Variants in SLC33A1 observed in about 807,000 individuals in gnomAD.
SLC33A1 encodes acetyl-coenzyme A transporter 1.
In SLC33A1, 20 loss-of-function variants were observed where a neutral mutation model predicts 50.0. The observed-to-expected ratio is 0.40, with a 90% CI of 0.28 to 0.58. The LOEUF (loss-of-function observed/expected upper bound fraction) is 0.58, where lower values mean the gene tolerates loss of function less well. SLC33A1 is among the 20% of genes least tolerant of loss of function. The pLI, the probability that SLC33A1 is intolerant of heterozygous loss-of-function variation, is 0.44. For missense variants in SLC33A1, 476 were observed against 657.0 expected (o/e 0.72, Z 3.01); for synonymous variants, 265 against 251.8 (o/e 1.05, Z -0.50).
chr3:155,838,317 T>TA (rs372537295), intron 2 of SLC33A1, among the ~76,000 whole-genome samples: 1,566 of 138,244 alleles, frequency 0.011, 19 homozygotes, highest in African/African-American at 0.036. Flanking sequence ...AAAAAAAACT[T>TA]AAAAAAAAAA....
Position 155,833,924 on chromosome 3 carries a change from G to C in SLC33A1, c.1081C>G (p.Leu361Val). 6.2e-7 allele frequency: 1 copy of C among 1,613,600 alleles called. No homozygotes were observed. ...CCTGCAGTGTATTTGCTGATAATCA[G>C]AGGCAGTATTATCTGCAAAGGAACC... ...PMVPLQIILP[L>V]IISKYTAGPQ... is the part of the protein sequence containing the mutation. The change falls in exon 3 of 6, where the codon CTG (leucine) becomes GTG (valine). Residue 361 changes from leucine (L) to valine (V), a missense_variant. Physicochemically the swap from Leu to Val is conservative, Grantham distance 32. Transcript: ENST00000643144.
intron 1 of SLC33A1, among the ~76,000 whole-genome samples, chr3:155,852,210 C>CT (rs1376326271): frequency 6.6e-6 from 1 of 152,082 alleles, no homozygotes; most frequent in African/African-American, 2.4e-5. Flanking sequence ...ATTCCCAGTA[C>CT]TTTGGGAGGC....
chr3:155,840,961 G>A (rs1344687532), intron 2 of SLC33A1, among the ~76,000 whole-genome samples: 2 of 152,052 alleles, frequency 1.3e-5, no homozygotes, highest in African/African-American at 2.4e-5. Flanking sequence ...CCCAGCCTGG[G>A]TGACAGAGCG....
At chr3:155,844,261 A>C (rs1241986477) in intron 1 of SLC33A1, among the ~76,000 whole-genome samples, 2 of 151,780 alleles carry the variant, frequency 1.3e-5, no homozygotes, top group African/African-American at 4.8e-5. Flanking sequence ...TAGGCTAAGC[A>C]TGTGTTATTA....
chr3:155,847,755 T>A (rs929391832), intron 1 of SLC33A1, among the ~76,000 whole-genome samples: 8 of 147,376 alleles, frequency 5.4e-5, no homozygotes, highest in Non-Finnish European at 7.4e-5. Flanking sequence ...TCTCAAAAAA[T>A]AAATAAATAA....
Position 155,853,425 on chromosome 3 carries a change from G to A in SLC33A1, c.573C>T (p.Ala191=). ...VAFFLFEFLA[A]TQDIAVDGWA... is the part of the protein sequence containing the mutation. Reference sequence around the variant, plus strand: ...AACCATCGACGGCAATGTCCTGAGTGGCGGCCAAGAATTCAAACAAAAAGA... The same window carrying A: ...AACCATCGACGGCAATGTCCTGAGTAGCGGCCAAGAATTCAAACAAAAAGA... The change falls in exon 1 of 6, where the codon GCC becomes GCT. Residue 191 remains alanine (A), a synonymous_variant. Transcript: ENST00000643144. 1 of 1,614,080 alleles carries A rather than the reference G, an allele frequency of 6.2e-7. No homozygotes were observed. Among genetic ancestry groups the A allele is most frequent in the Non-Finnish European group, 8.5e-7 (1 of 1,180,034 alleles).
chr3:155,841,292 T>G lies in SLC33A1; in HGVS notation c.963+1140A>C, dbSNP rs927269420. 2.0e-5 allele frequency among the ~76,000 whole-genome samples: 3 copies of G among 152,076 alleles called. No individual in the cohort carries two copies. The East Asian group carries it at 5.8e-4, about 29-fold the overall frequency. ...GTCTTGAACTCCTGAGCTCAAGAGA[T>G]CCTCCTACCTTGGCTTCCCAAAGTG... is the stretch of plus-strand genomic sequence containing the variant. On this transcript the variant is annotated intron_variant, in intron 2 of 5. Coordinates refer to ENST00000643144, the MANE Select transcript of SLC33A1 (RefSeq NM_004733.4).
chr3:155,853,344 C>T lies in SLC33A1; in HGVS notation c.654G>A (p.Ser218=). Residue 218 remains serine, a synonymous_variant, in exon 1 of 6, where the codon TCG becomes TCA. Transcript: ENST00000643144. ...ENVGYASTCN[S]VGQTAGYFLG... ...AAAAGTAACCCGCTGTTTGGCCCAC[C>T]GAATTGCAAGTAGAAGCATAACCCA... The T allele has an allele frequency of 6.2e-7, 1 of 1,614,094 alleles. No homozygotes were observed. The highest frequency in any genetic ancestry group is 8.5e-7 in the Non-Finnish European group (1 of 1,180,024).
chr3:155,842,852 T>C (rs1186621084), intron 1 of SLC33A1: 2 of 269,910 alleles, frequency 7.4e-6, no homozygotes, highest in Non-Finnish European at 1.4e-5. Flanking sequence ...CTACAAAAAA[T>C]AAGAAATTAG....
intron 2 of SLC33A1, among the ~76,000 whole-genome samples, chr3:155,836,280 CAAAAAAAAAAAAAAAAAAAAA>C (rs57460942): frequency 3.7e-5 from 1 of 27,164 alleles, no homozygotes; most frequent in Non-Finnish European, 6.3e-5. Context: ...GAGACTCTGT[CAAAAAAAAAAAAAAAAAAAAA>C]AAAAAAAAAA....
chr3:155,828,225 G>A lies in SLC33A1; in HGVS notation c.1635C>T (p.Cys545=), dbSNP rs541499353. ...LQDEGSSSWK[C]KRNN ...AGCATATATATTAATTGTTCCTTTT[G>A]CATTTCCACGAAGATGATCCTTCAT... is the stretch of plus-strand genomic sequence containing the variant. The change falls in exon 6 of 6, where the codon TGC becomes TGT. Residue 545 remains cysteine, a synonymous_variant. Transcript: ENST00000643144. 1 of 1,612,250 alleles carries A rather than the reference G, an allele frequency of 6.2e-7. No individual in the cohort carries two copies. Among genetic ancestry groups the A allele is most frequent in the East Asian group, 2.2e-5 (1 of 44,810 alleles).
intron 1 of SLC33A1, among the ~76,000 whole-genome samples, chr3:155,849,909 GAATAAT>G (rs71138683): frequency 0.068 from 9,155 of 133,764 alleles, 425 homozygotes; most frequent in African/African-American, 0.13. Context: ...CTCCATCTCA[GAATAAT>G]AATAATAATA....
chr3:155,828,491 G>A, intron 5 of SLC33A1, 114 bp from the exon 6 acceptor site: 1 of 693,620 alleles, frequency 1.4e-6, no homozygotes, highest in Non-Finnish European at 2.6e-6. Context: ...AAACATTTCA[G>A]TATTTCACTG....
intron 2 of SLC33A1, among the ~76,000 whole-genome samples, chr3:155,840,375 A>G (rs1752881796): frequency 6.6e-6 from 1 of 151,790 alleles, no homozygotes; most frequent in Admixed American, 6.6e-5. Flanking sequence ...GGCGTGAGCC[A>G]CCACCTCCAG....
chr3:155,821,229 G>A lies in SLC33A1; in HGVS notation c.*6981C>T, dbSNP rs2109295545. 1 of 152,132 alleles carries A rather than the reference G, an allele frequency of 6.6e-6. No homozygotes were observed. Among genetic ancestry groups the A allele is most frequent in the Non-Finnish European group, 1.5e-5 (1 of 68,006 alleles). 9.4% of individuals were successfully genotyped at this position (152,132 alleles called of 1,614,324 possible). A position where few individuals can be genotyped will look rare whatever the true frequency, so the allele number is the denominator to read the frequency against. ...AAACACACCACACAAAACTATCAAG[G>A]CTAATGCTAGATATTCCAAAAGTGG... is the stretch of plus-strand genomic sequence containing the variant. On this transcript the variant is annotated 3_prime_UTR_variant, in exon 6 of 6. Coordinates refer to ENST00000643144, the MANE Select transcript of SLC33A1 (RefSeq NM_004733.4).
At position 155,842,429 on chromosome 3, in the gene SLC33A1, T is replaced by A; in HGVS notation, c.963+3A>T. The A allele has an allele frequency of 6.3e-7, 1 of 1,586,836 alleles. No homozygotes were observed. The highest frequency in any genetic ancestry group is 8.6e-7 in the Non-Finnish European group (1 of 1,156,830). ...TGATAAATTTGATTTATAAATCTCT[T>A]ACCTTTGCAGTTAGAATCAGAAGGC... On this transcript the variant is annotated splice_donor_region_variant and intron_variant, in intron 2 of 5. Transcript: ENST00000643144.
intron 1 of SLC33A1, among the ~76,000 whole-genome samples, chr3:155,847,014 C>T (rs112436783): frequency 1.2e-4 from 18 of 151,614 alleles, no homozygotes; most frequent in African/African-American, 4.4e-4. Context: ...TCAAGACCAG[C>T]CTTGCCAACA....
chr3:155,835,898 C>T (rs574063734), intron 2 of SLC33A1, among the ~76,000 whole-genome samples: 47 of 152,226 alleles, frequency 3.1e-4, no homozygotes, highest in Middle Eastern at 6.8e-3. Flanking sequence ...TGTGTGTCCA[C>T]GTCCTTGATC....
intron 2 of SLC33A1, among the ~76,000 whole-genome samples, chr3:155,839,295 C>A (rs1345020533): frequency 8.5e-6 from 1 of 117,374 alleles, no homozygotes; most frequent in Non-Finnish European, 1.7e-5. Flanking sequence ...AGTGAAACTC[C>A]GCCTCAAAAA....
Sources: gnomAD v4.1 joint callset for allele counts (sites outside exome capture counted in the v4.1 genomes callset) on GRCh38, gnomAD v4.1.1 for gene constraint, MANE v1.5 for transcripts, NCBI Gene and HGNC (gene_info 2026-07-23, HGNC 2026-07-21) for gene names.